The following SYNE2 variants were observed in gnomAD, a reference collection of about 807,000 sequenced individuals.
The protein encoded by SYNE2 is spectrin repeat containing nuclear envelope protein 2.
Under a neutral mutation model 856.3 loss-of-function variants are expected in SYNE2, and 431 were observed. The ratio of observed to expected loss-of-function variants is 0.50; its 90% CI spans 0.47 to 0.55. The LOEUF (loss-of-function observed/expected upper bound fraction) is 0.55, where lower values mean the gene tolerates loss of function less well. SYNE2 is among the 20% of genes least tolerant of loss of function. The pLI is 0.00. For synonymous variants in SYNE2, 2,923 were observed against 2,872.3 expected (o/e 1.02, Z -0.56); for missense variants, 8,129 against 8,023.2 (o/e 1.01, Z -0.50).
At chr14:64,014,929 T>TTATATATA (rs372523173) in intron 32 of SYNE2, among the ~76,000 whole-genome samples, 1 of 78,820 alleles carries the variant, frequency 1.3e-5, no homozygotes, top group African/African-American at 4.3e-5. Context: ...GTATAATTCC[T>TTATATATA]TATATATATA....
At chr14:64,104,108 G>C (rs9323445) in intron 64 of SYNE2, among the ~76,000 whole-genome samples, 44,510 of 151,992 alleles carry the variant, frequency 0.29, 9,289 homozygotes, top group African/African-American at 0.59. Context: ...ACTACACTTC[G>C]TCTTTCATTT....
chr14:63,816,365 A>G (rs1239110687), intron 1 of SYNE2, among the ~76,000 whole-genome samples: 1 of 152,188 alleles, frequency 6.6e-6, no homozygotes, highest in African/African-American at 2.4e-5. Context: ...GACTAGTTCA[A>G]TGGATTATGG....
intron 55 of SYNE2, 54 bp downstream of exon 55, chr14:64,078,660 C>A: frequency 6.3e-7 from 1 of 1,599,224 alleles, no homozygotes; most frequent in South Asian, 1.1e-5. Context: ...CCCACTCCTG[C>A]CTTGTTCATC....
intron 84 of SYNE2, 52 bp downstream of exon 84, chr14:64,146,275 C>T (rs773351799): frequency 1.3e-6 from 2 of 1,538,076 alleles, no homozygotes; most frequent in Non-Finnish European, 1.8e-6. Flanking sequence ...GTGATTCGGT[C>T]ACCTCTCTTG....
chr14:63,802,354 G>A (rs1035145808), intron 1 of SYNE2, among the ~76,000 whole-genome samples: 4 of 151,502 alleles, frequency 2.6e-5, no homozygotes, highest in South Asian at 2.1e-4. Context: ...TGATCTGCTC[G>A]CCTCGGCCTC....
In SYNE2 at chr14:63,889,678, A is replaced by G. The variant is rs117063718; in HGVS notation, c.-51-19420A>G. On this transcript the variant is annotated intron_variant, in intron 1 of 115. Transcript: ENST00000555002. ...TTTTTTGTAGAGAGAGGGTCTCCCT[A>G]TGTTGCCTGGGCTGGTGTGAAACCC... Among the ~76,000 whole-genome samples, 172 of 152,018 alleles carry G rather than the reference A, an allele frequency of 1.1e-3. 2 individuals carry two copies. The South Asian group carries it at 0.015, about 14-fold the overall frequency.
intron 1 of SYNE2, among the ~76,000 whole-genome samples, chr14:63,846,250 G>A (rs1169966371): frequency 1.3e-5 from 2 of 151,804 alleles, no homozygotes; most frequent in Non-Finnish European, 1.5e-5. Flanking sequence ...GGCTCACCAT[G>A]TTGCCCAGGT....
chr14:64,112,684 A>G (rs562816278), intron 65 of SYNE2, among the ~76,000 whole-genome samples: 2 of 152,308 alleles, frequency 1.3e-5, no homozygotes, highest in South Asian at 4.2e-4. Flanking sequence ...GCAGAAGGGG[A>G]AGGAAGGTAT....
Position 64,126,225 on chromosome 14 carries a change from A to G in SYNE2, c.13555-102A>G, listed in dbSNP as rs181801935. ...GTTTGAAGCAACTTATTACAAAAGA[A>G]GCATAACATAAATCATAAACTATAA... On this transcript the variant is annotated intron_variant, in intron 71 of 115. Transcript: ENST00000555002. The G allele has an allele frequency of 1.0e-4, 103 of 1,007,578 alleles. No individual in the cohort carries two copies. The East Asian group carries it at 2.1e-3, about 21-fold the overall frequency. The allele number at this position is 1,007,578 out of a possible 1,614,324, so 62.4% of individuals were successfully genotyped here.
chr14:63,998,885 A>G (rs758873584), intron 26 of SYNE2, 29 bp from the exon 27 acceptor site: 6 of 1,612,880 alleles, frequency 3.7e-6, no homozygotes, highest in Non-Finnish European at 5.1e-6. Context: ...AAAATTAACT[A>G]TTGTGATGTT....
chr14:64,218,314 C>T (rs2098676489), intron 108 of SYNE2, 84 bp from the exon 109 acceptor site: 1 of 1,252,836 alleles, frequency 8.0e-7, no homozygotes, highest in Non-Finnish European at 1.1e-6. Context: ...CTCATTTCTT[C>T]ACTGTTAATA....
At chr14:64,117,206 GT>G (rs2097859463) in intron 66 of SYNE2, among the ~76,000 whole-genome samples, 1 of 152,256 alleles carries the variant, frequency 6.6e-6, no homozygotes, top group East Asian at 1.9e-4. Context: ...TTTGCATTTG[GT>G]TTTTTGGGAG....
intron 1 of SYNE2, among the ~76,000 whole-genome samples, chr14:63,868,346 A>C (rs1895966874): frequency 6.6e-6 from 1 of 151,990 alleles, no homozygotes; most frequent in Non-Finnish European, 1.5e-5. Context: ...GTGGTGGTGC[A>C]CACCTGTAGT....
chr14:64,136,680 G>A (rs1227094256), intron 78 of SYNE2, among the ~76,000 whole-genome samples: 1 of 152,046 alleles, frequency 6.6e-6, no homozygotes, highest in Non-Finnish European at 1.5e-5. Context: ...ATGATACGCT[G>A]TTTTAATTTA....
At chr14:63,786,025 C>T (rs1479389357) in intron 1 of SYNE2, among the ~76,000 whole-genome samples, 4 of 151,870 alleles carry the variant, frequency 2.6e-5, no homozygotes, top group Non-Finnish European at 5.9e-5. Context: ...CTGAGATGGG[C>T]GGATCATCTG....
In SYNE2 at chr14:64,098,008, G is replaced by A. The variant is rs767540684; in HGVS notation, c.12168G>A (p.Leu4056=). The change falls in exon 62 of 116, where the codon CTG becomes CTA. Residue 4056 remains leucine, a synonymous_variant. Transcript: ENST00000555002. Reference sequence around the variant, plus strand: ...GTTTGAACCAGAGAAAAGAAGACCTGTTGGTGGACTTGAAGGCCACCGTAC... The same window carrying A: ...GTTTGAACCAGAGAAAAGAAGACCTATTGGTGGACTTGAAGGCCACCGTAC... ...ILSLNQRKED[L]LVDLKATVLN... 8.7e-6 allele frequency: 14 copies of A among 1,614,226 alleles called. No individual in the cohort carries two copies. Among genetic ancestry groups the A allele is most frequent in the Non-Finnish European group, 1.2e-5 (14 of 1,180,038 alleles).
At chr14:64,211,091 C>T (rs1307761208) in intron 103 of SYNE2, among the ~76,000 whole-genome samples, 1 of 152,154 alleles carries the variant, frequency 6.6e-6, no homozygotes, top group African/African-American at 2.4e-5. Context: ...AAGGGATCCT[C>T]CTGCCTCAGC....
intron 52 of SYNE2, among the ~76,000 whole-genome samples, chr14:64,073,652 C>CT (rs1357101934): frequency 2.6e-5 from 4 of 152,128 alleles, no homozygotes; most frequent in Non-Finnish European, 5.9e-5. Flanking sequence ...ATTCACACCT[C>CT]TAAGTCATTT....
intron 79 of SYNE2, among the ~76,000 whole-genome samples, chr14:64,138,472 A>G (rs1205242524): frequency 2.6e-5 from 4 of 151,880 alleles, no homozygotes; most frequent in Non-Finnish European, 5.9e-5. Flanking sequence ...AGCCTCAAGC[A>G]GTCCTCCTGC....
Sources: gnomAD v4.1 joint callset for allele counts (sites outside exome capture counted in the v4.1 genomes callset) on GRCh38, gnomAD v4.1.1 for gene constraint, MANE v1.5 for transcripts, NCBI Gene and HGNC (gene_info 2026-07-23, HGNC 2026-07-21) for gene names.